The following TMEM131 variants were observed in gnomAD, a reference collection of about 807,000 sequenced individuals.
TMEM131 encodes 2610524E03Rik.
In TMEM131, 66 loss-of-function variants were observed where a neutral mutation model predicts 211.6. The ratio of observed to expected loss-of-function variants is 0.31; its 90% CI spans 0.26 to 0.38. The LOEUF (loss-of-function observed/expected upper bound fraction) is 0.38, where lower values mean the gene tolerates loss of function less well. Among genes scored for constraint, TMEM131 ranks in the 10% least tolerant of loss-of-function variants. The pLI is 1.00. For missense variants in TMEM131, 2,036 were observed against 2,299.3 expected (o/e 0.89, Z 2.34); for synonymous variants, 844 against 841.3 (o/e 1.00, Z -0.06).
chr2:97,951,484 A>C (rs1678312848), intron 1 of TMEM131, among the ~76,000 whole-genome samples: 1 of 151,652 alleles, frequency 6.6e-6, no homozygotes, highest in Admixed American at 6.6e-5. Context: ...TAAGCTTCTC[A>C]CTCTATCTCT....
At chr2:97,979,617 T>C (rs1362166046) in intron 1 of TMEM131, among the ~76,000 whole-genome samples, 1 of 151,372 alleles carries the variant, frequency 6.6e-6, no homozygotes, top group African/African-American at 2.4e-5. Context: ...CTTCTTCCCC[T>C]CTCTCAGTCT....
At chr2:97,765,190 G>A (rs766995046) in intron 35 of TMEM131, 1 of 152,208 alleles carries the variant, frequency 6.6e-6, no homozygotes, top group East Asian at 1.9e-4. Flanking sequence ...AGTACTAAAA[G>A]GTGCCAGAAA....
At chr2:97,840,924 T>A (rs1275179106) in intron 7 of TMEM131, among the ~76,000 whole-genome samples, 1 of 152,232 alleles carries the variant, frequency 6.6e-6, no homozygotes, top group African/African-American at 2.4e-5. Flanking sequence ...CCCTGGTTCA[T>A]CCTCATTTCC....
rs781493241 is a variant in TMEM131, at chr2:97,908,746, A to G, written c.250-48T>C. On this transcript the variant is annotated intron_variant, in intron 2 of 40. Transcript: ENST00000186436. ...ATTAAAAAACTGAAGCCAAATATTT[A>G]TATTACAGACATATGGAATATCCAA... 287 of 1,473,926 alleles carry G rather than the reference A, an allele frequency of 1.9e-4. 1 individual carries two copies. The highest frequency in any genetic ancestry group is 2.6e-4 in the Non-Finnish European group (279 of 1,060,342). The allele number at this position is 1,473,926 out of a possible 1,614,324, so 91.3% of individuals were successfully genotyped here.
At chr2:97,890,495 TG>T (rs1351902289) in intron 3 of TMEM131, among the ~76,000 whole-genome samples, 1 of 152,158 alleles carries the variant, frequency 6.6e-6, no homozygotes, top group Non-Finnish European at 1.5e-5. Context: ...AGGAGTGGGT[TG>T]GAAGTGGGAA....
chr2:97,904,118 A>T (rs916841962), intron 3 of TMEM131, among the ~76,000 whole-genome samples: 1 of 152,198 alleles, frequency 6.6e-6, no homozygotes, highest in East Asian at 1.9e-4. Flanking sequence ...CAAATTTTTT[A>T]AAATAAAAGA....
At chr2:97,982,194 T>C (rs891031479) in intron 1 of TMEM131, among the ~76,000 whole-genome samples, 1 of 152,226 alleles carries the variant, frequency 6.6e-6, no homozygotes, top group African/African-American at 2.4e-5. Flanking sequence ...ACATTTATTA[T>C]CCATCTGTTT....
intron 11 of TMEM131, among the ~76,000 whole-genome samples, chr2:97,832,004 C>CAAAA (rs770432398): frequency 0.022 from 1,349 of 60,180 alleles, 219 homozygotes; most frequent in African/African-American, 0.089. Context: ...AAGTCACTTC[C>CAAAA]AAAAAAAAAA....
chr2:97,813,326 A>C (rs1296965463), intron 15 of TMEM131, among the ~76,000 whole-genome samples: 1 of 152,166 alleles, frequency 6.6e-6, no homozygotes, highest in African/African-American at 2.4e-5. Context: ...TAAAATTCTA[A>C]TCGATGCCAA....
chr2:97,937,246 T>C (rs545993737), intron 1 of TMEM131, among the ~76,000 whole-genome samples: 8 of 152,054 alleles, frequency 5.3e-5, no homozygotes, highest in South Asian at 2.1e-4. Context: ...AACAAGCAAA[T>C]TGAAATTCTG....
chr2:97,939,610 G>A (rs150153630), intron 1 of TMEM131, among the ~76,000 whole-genome samples: 161 of 152,336 alleles, frequency 1.1e-3, no homozygotes, highest in African/African-American at 3.7e-3. Context: ...AGAGGAGCTG[G>A]TACCATTCCT....
At chr2:97,910,574 A>G (rs1467854703) in intron 2 of TMEM131, among the ~76,000 whole-genome samples, 8 of 152,196 alleles carry the variant, frequency 5.3e-5, no homozygotes, top group Admixed American at 2.0e-4. Flanking sequence ...ATTCTGACAC[A>G]TGCCACAACA....
intron 11 of TMEM131, among the ~76,000 whole-genome samples, chr2:97,826,337 T>C (rs965080987): frequency 2.4e-4 from 37 of 152,326 alleles, no homozygotes; most frequent in African/African-American, 8.9e-4. Context: ...TATCTATTCC[T>C]ACATGCCCAT....
intron 31 of TMEM131, among the ~76,000 whole-genome samples, chr2:97,778,585 T>C (rs1490683654): frequency 1.3e-5 from 2 of 151,932 alleles, no homozygotes; most frequent in Non-Finnish European, 2.9e-5. Flanking sequence ...GGAAGAGTAA[T>C]TTACCCTTTT....
chr2:97,848,120 G>C (rs1348528956), intron 5 of TMEM131, among the ~76,000 whole-genome samples: 2 of 152,110 alleles, frequency 1.3e-5, no homozygotes, highest in Admixed American at 1.3e-4. Flanking sequence ...ATACGTATTA[G>C]AACATAGTGA....
intron 2 of TMEM131, among the ~76,000 whole-genome samples, chr2:97,914,987 T>C (rs1484378164): frequency 6.6e-6 from 1 of 152,250 alleles, no homozygotes; most frequent in Non-Finnish European, 1.5e-5. Context: ...ATCACTCACA[T>C]ACCCTCTAGT....
chr2:97,992,530 A>C (rs1281561279), intron 1 of TMEM131, among the ~76,000 whole-genome samples: 1 of 152,194 alleles, frequency 6.6e-6, no homozygotes, highest in Non-Finnish European at 1.5e-5. Flanking sequence ...TTGAAAACTT[A>C]TTCGAATTTA....
At chr2:97,772,176 T>A in intron 33 of TMEM131, 121 bp downstream of exon 33, 1 of 1,158,274 alleles carries the variant, frequency 8.6e-7, no homozygotes, top group East Asian at 2.4e-5. Context: ...AGCACCTGGA[T>A]TTTGCTATCA....
At chr2:97,882,784 T>A (rs1447659955) in intron 4 of TMEM131, among the ~76,000 whole-genome samples, 1 of 152,196 alleles carries the variant, frequency 6.6e-6, no homozygotes, top group East Asian at 1.9e-4. Flanking sequence ...CCCTTACACA[T>A]GTTGGTTCAC....
Sources: allele counts gnomAD v4.1 joint callset (sites outside exome capture counted in the v4.1 genomes callset), GRCh38; gene constraint gnomAD v4.1.1; transcripts MANE v1.5; gene names NCBI Gene and HGNC (gene_info 2026-07-23, HGNC 2026-07-21).